TAFA1: variants seen among roughly 807,000 people sequenced by gnomAD.
The protein encoded by TAFA1 is chemokine-like protein TAFA-1.
TAFA1 carries 4 observed loss-of-function variants against 18.5 expected under a neutral mutation model. That is an observed-to-expected ratio of 0.22 (90% CI 0.11 to 0.49). TAFA1 has a LOEUF of 0.49. TAFA1 is among the 20% of genes least tolerant of loss of function. The pLI, the probability that TAFA1 is intolerant of heterozygous loss-of-function variation, is 0.98. For synonymous variants in TAFA1, 56 were observed against 55.2 expected, an observed-to-expected ratio of 1.01 and a Z score of -0.06; for missense variants, 147 against 169.0, an observed-to-expected ratio of 0.87 and a Z score of 0.72.
chr3:68,299,109 G>T (rs1333399543), intron 2 of TAFA1, among the ~76,000 whole-genome samples: 1 of 152,202 alleles, frequency 6.6e-6, no homozygotes, highest in African/African-American at 2.4e-5. Flanking sequence ...GGTCTCAGAT[G>T]GGGATGAGGA....
chr3:68,212,217 G>T (rs2066606117), intron 2 of TAFA1, among the ~76,000 whole-genome samples: 4 of 151,136 alleles, frequency 2.6e-5, no homozygotes, highest in Admixed American at 2.6e-4. Flanking sequence ...AAAGAGACTG[G>T]TCTGTTCAAG....
At chr3:68,352,278 C>T (rs971416949) in intron 2 of TAFA1, among the ~76,000 whole-genome samples, 4 of 151,860 alleles carry the variant, frequency 2.6e-5, no homozygotes, top group Non-Finnish European at 5.9e-5. Context: ...AGAAAACAAG[C>T]AGGTTTATTA....
intron 2 of TAFA1, among the ~76,000 whole-genome samples, chr3:68,249,422 C>T (rs1477662489): frequency 2.0e-5 from 3 of 152,174 alleles, no homozygotes; most frequent in African/African-American, 7.2e-5. Flanking sequence ...AACTCAGTCT[C>T]AGTACCTGGT....
intron 2 of TAFA1, among the ~76,000 whole-genome samples, chr3:68,344,610 C>A (rs1249150964): frequency 2.0e-5 from 3 of 152,068 alleles, no homozygotes; most frequent in African/African-American, 7.2e-5. Context: ...ATCAAGTAAC[C>A]TCGATTCTAG....
chr3:68,330,980 T>G (rs1166545500), intron 2 of TAFA1, among the ~76,000 whole-genome samples: 1 of 152,168 alleles, frequency 6.6e-6, no homozygotes, highest in Admixed American at 6.5e-5. Context: ...ACAAAAATTT[T>G]TACAGAATGT....
intron 2 of TAFA1, among the ~76,000 whole-genome samples, chr3:68,181,164 C>T (rs1040268799): frequency 6.6e-6 from 1 of 152,106 alleles, no homozygotes; most frequent in Non-Finnish European, 1.5e-5. Context: ...TGAGATGAGA[C>T]CATAACTGTT....
At chr3:68,355,414 T>C (rs2069342315) in intron 2 of TAFA1, among the ~76,000 whole-genome samples, 1 of 151,960 alleles carries the variant, frequency 6.6e-6, no homozygotes, top group South Asian at 2.1e-4. Flanking sequence ...TCAGTTCCCT[T>C]TTCATAAAAT....
intron 3 of TAFA1, among the ~76,000 whole-genome samples, chr3:68,449,636 T>C (rs1303534014): frequency 6.6e-6 from 1 of 152,206 alleles, no homozygotes; most frequent in East Asian, 1.9e-4. Flanking sequence ...GAGTCCATAT[T>C]GCACATGGCA....
At chr3:68,253,819 C>T (rs2067241978) in intron 2 of TAFA1, among the ~76,000 whole-genome samples, 1 of 152,090 alleles carries the variant, frequency 6.6e-6, no homozygotes, top group African/African-American at 2.4e-5. Flanking sequence ...TTTTAAATAA[C>T]AAGGTTCTGG....
intron 2 of TAFA1, among the ~76,000 whole-genome samples, chr3:68,278,021 T>A (rs2067828076): frequency 6.6e-6 from 1 of 152,172 alleles, no homozygotes; most frequent in African/African-American, 2.4e-5. Context: ...TTATACGGTA[T>A]CCTTACACAA....
intron 2 of TAFA1, among the ~76,000 whole-genome samples, chr3:68,010,823 A>T (rs1488486461): frequency 2.0e-5 from 3 of 152,186 alleles, no homozygotes; most frequent in Non-Finnish European, 4.4e-5. Flanking sequence ...AAATTACCCT[A>T]AAAACTTGAA....
rs1484560186 is a variant in TAFA1, at chr3:68,373,718, C to T, written c.119-43562C>T. 2.6e-5 allele frequency among the ~76,000 whole-genome samples: 4 copies of T among 152,302 alleles called. No individual in the cohort carries two copies. In the East Asian group the frequency reaches 7.7e-4, roughly 29 times the overall value. ...AGACAGAAGTCATTTCATTTTACAT[C>T]AAGATACGAGTCACCATCTGGAAGA... On this transcript the variant is annotated intron_variant, in intron 2 of 4. Transcript: ENST00000478136.
chr3:68,383,479 A>G (rs1193075739), intron 2 of TAFA1, among the ~76,000 whole-genome samples: 8 of 152,128 alleles, frequency 5.3e-5, no homozygotes, highest in Non-Finnish European at 1.0e-4. Flanking sequence ...GCGATGAATC[A>G]CATTTATTTT....
At chr3:68,034,926 T>G (rs1459693415) in intron 2 of TAFA1, among the ~76,000 whole-genome samples, 2 of 152,196 alleles carry the variant, frequency 1.3e-5, no homozygotes, top group Admixed American at 1.3e-4. Context: ...TATATAGTGG[T>G]GCCCAGTTGG....
At chr3:68,425,918 A>T (rs564155215) in intron 3 of TAFA1, among the ~76,000 whole-genome samples, 1 of 151,900 alleles carries the variant, frequency 6.6e-6, no homozygotes, top group South Asian at 2.1e-4. Context: ...ACTCTTTCTT[A>T]TTATTGCACT....
intron 3 of TAFA1, among the ~76,000 whole-genome samples, chr3:68,430,507 G>A (rs1023863305): frequency 2.6e-5 from 4 of 151,864 alleles, no homozygotes; most frequent in African/African-American, 9.7e-5. Flanking sequence ...TACTTAGAGG[G>A]GGCAATAAAG....
intron 3 of TAFA1, among the ~76,000 whole-genome samples, chr3:68,444,796 AT>A (rs1559673061): frequency 4.6e-4 from 66 of 142,490 alleles, no homozygotes; most frequent in African/African-American, 5.5e-4. Flanking sequence ...ATATATATAT[AT>A]ATATATATAT....
chr3:68,296,981 G>C (rs1278859916), intron 2 of TAFA1, among the ~76,000 whole-genome samples: 2 of 152,194 alleles, frequency 1.3e-5, no homozygotes, highest in Non-Finnish European at 2.9e-5. Context: ...AAATATGAAA[G>C]AGTGTTAACC....
intron 3 of TAFA1, among the ~76,000 whole-genome samples, chr3:68,434,615 C>A (rs766837893): frequency 4.6e-5 from 7 of 152,008 alleles, no homozygotes; most frequent in Non-Finnish European, 8.8e-5. Flanking sequence ...CTGGAAGGCA[C>A]AAAACATGTA....
Sources: allele counts gnomAD v4.1 joint callset (sites outside exome capture counted in the v4.1 genomes callset), GRCh38; gene constraint gnomAD v4.1.1; transcripts MANE v1.5; gene names NCBI Gene and HGNC (gene_info 2026-07-23, HGNC 2026-07-21).